The following PES1 variants were observed in gnomAD, a reference collection of about 807,000 sequenced individuals.
PES1 encodes pescadillo homolog.
PES1 carries 31 observed loss-of-function variants against 77.1 expected under a neutral mutation model. That is an observed-to-expected ratio of 0.40 (90% CI 0.30 to 0.54). The LOEUF is 0.54. Among genes scored for constraint, PES1 ranks in the 20% least tolerant of loss-of-function variants. The probability of loss-of-function intolerance (pLI) is 0.45; values close to 1 mark genes in which losing one functional copy is unlikely to be tolerated. For missense variants in PES1, 658 were observed against 771.7 expected, an observed-to-expected ratio of 0.85 and a Z score of 1.75; for synonymous variants, 282 against 303.0, an observed-to-expected ratio of 0.93 and a Z score of 0.72.
chr22:30,606,889 G>A, exon 1 of PES1: 1 of 1,058,746 alleles, frequency 9.4e-7, no homozygotes, highest in Non-Finnish European at 1.1e-6. Flanking sequence ...TTGGTAAGGA[G>A]TACCGGGTAG....
chr22:30,585,629 T>C (rs995853169), intron 4 of PES1, among the ~76,000 whole-genome samples: 1 of 151,570 alleles, frequency 6.6e-6, no homozygotes, highest in Non-Finnish European at 1.5e-5. Context: ...TTTTGTTACT[T>C]TTTCTATTTT....
chr22:30,581,692 G>A, intron 6 of PES1, 48 bp from the exon 7 acceptor site: 2 of 1,292,028 alleles, frequency 1.5e-6, no homozygotes, highest in Middle Eastern at 1.9e-4. Context: ...AGGGATGGGG[G>A]CAAAGGAGGG....
chr22:30,593,823 G>A (rs1226919097), upstream of PES1, among the ~76,000 whole-genome samples: 1 of 152,226 alleles, frequency 6.6e-6, no homozygotes, highest in Non-Finnish European at 1.5e-5. Flanking sequence ...AGGAAAGTAA[G>A]TGATCGCTGA....
In PES1 at chr22:30,579,863, G is replaced by A. The variant is rs1400461351; in HGVS notation, c.1242C>T (p.Phe414=). 1 of 1,614,014 alleles carries A rather than the reference G, an allele frequency of 6.2e-7. No homozygotes were observed. The highest frequency in any genetic ancestry group is 8.5e-7 in the Non-Finnish European group (1 of 1,180,012). ...ARLLLPVAEY[F]SGVQLPPHLS... is the part of the protein sequence containing the mutation. ...GGTGTGGGGGCAGCTGCACCCCAGA[G>A]AAGTACTCTGCCACGGGGAGAAGGA... is the stretch of plus-strand genomic sequence containing the variant. Residue 414 remains phenylalanine, a synonymous_variant, in exon 12 of 15, where the codon TTC becomes TTT. Coordinates refer to ENST00000354694, the MANE Select transcript of PES1 (RefSeq NM_014303.4).
At chr22:30,597,841 T>C (rs1017172547) in intron 2 of PES1, among the ~76,000 whole-genome samples, 2 of 151,126 alleles carry the variant, frequency 1.3e-5, no homozygotes, top group African/African-American at 2.4e-5. Context: ...GACTCAGCTG[T>C]GGTAACTCGC....
Position 30,581,510 on chromosome 22 carries a change from A to C in PES1, c.747+18T>G. ...GGCCCCTGCACGGCGAGCAGAAGGC[A>C]CTGGGCTGGGGTCCTACCTTCGGGG... On this transcript the variant is annotated intron_variant, in intron 7 of 14. Transcript: ENST00000354694. The C allele has an allele frequency of 6.2e-7, 1 of 1,609,334 alleles. No homozygotes were observed. Among genetic ancestry groups the C allele is most frequent in the African/African-American group, 1.3e-5 (1 of 74,968 alleles).
chr22:30,598,884 A>ATTTTTTTT lies in PES1; in HGVS notation c.-660-6487_-660-6486insAAAAAAAA, dbSNP rs1569031688. ...TTTCAAGTTTATGTGACTTAAGTAA[A>ATTTTTTTT]ATTTTTTTTTTTTTTTTTTTTTTTT... On this transcript the variant is annotated intron_variant, in intron 2 of 16. Transcript: ENST00000402281. Among the ~76,000 whole-genome samples, 42 of 46,256 alleles carry ATTTTTTTT rather than the reference A, an allele frequency of 9.1e-4. 1 individual carries two copies. The highest frequency in any genetic ancestry group is 2.3e-3 in the African/African-American group (31 of 13,352). 30.3% of individuals were successfully genotyped at this position (46,256 alleles called of 152,430 possible).
chr22:30,598,696 T>C (rs2087304028), intron 2 of PES1, among the ~76,000 whole-genome samples: 1 of 151,992 alleles, frequency 6.6e-6, no homozygotes, highest in South Asian at 2.1e-4. Context: ...CCCAAAGTGT[T>C]AGGGTTACAG....
At chr22:30,602,698 A>C (rs907866441) in intron 2 of PES1, among the ~76,000 whole-genome samples, 1 of 152,002 alleles carries the variant, frequency 6.6e-6, no homozygotes, top group Non-Finnish European at 1.5e-5. Flanking sequence ...ACTATGCTTT[A>C]GGTGTTGTAT....
chr22:30,592,300 G>C (rs929467875), upstream of PES1: 148 of 992,730 alleles, frequency 1.5e-4, 1 homozygote, highest in South Asian at 2.9e-3. Context: ...GTCAGACTTC[G>C]GCTGCCGCTG....
intron 2 of PES1, chr22:30,605,377 G>T (rs900574631): frequency 6.1e-5 from 47 of 770,018 alleles, no homozygotes; most frequent in Non-Finnish European, 7.4e-5. Context: ...GGTAGGCAGG[G>T]GGGTGTCTCC....
chr22:30,597,257 A>C (rs2087268436), intron 2 of PES1, among the ~76,000 whole-genome samples: 1 of 151,906 alleles, frequency 6.6e-6, no homozygotes, highest in Admixed American at 6.6e-5. Flanking sequence ...CGGGAGCATG[A>C]GAGCAGGACT....
intron 2 of PES1, among the ~76,000 whole-genome samples, chr22:30,597,211 G>A (rs1044320775): frequency 4.6e-5 from 7 of 152,070 alleles, no homozygotes; most frequent in South Asian, 2.1e-4. Context: ...GCTCCCCAGC[G>A]CCCGGTCACA....
chr22:30,578,919 C>A lies in PES1; in HGVS notation c.1601G>T (p.Arg534Leu), dbSNP rs199831167. The A allele has an allele frequency of 1.9e-6, 3 of 1,613,522 alleles. No individual in the cohort carries two copies. The highest frequency in any genetic ancestry group is 2.5e-6 in the Non-Finnish European group (3 of 1,180,000). Residue 534 changes from arginine to leucine, a missense_variant, in exon 14 of 15, where the codon CGC (arginine) becomes CTC (leucine). By Grantham distance (102) the Arg-to-Leu change is moderately radical (BLOSUM62 -2). Coordinates refer to ENST00000354694, the MANE Select transcript of PES1 (RefSeq NM_014303.4). ...LAQEEESEAKRLAIMMMKKRE... is the reference protein window; with the variant it reads ...LAQEEESEAKLLAIMMMKKRE... ...CTTCTTCATCATCATAATGGCCAGG[C>A]GCTTGGCCTCACTCTCCTCCTCCTG...
chr22:30,600,029 A>C (rs1336930906), intron 2 of PES1, among the ~76,000 whole-genome samples: 2 of 152,180 alleles, frequency 1.3e-5, no homozygotes, highest in Admixed American at 1.3e-4. Flanking sequence ...GGTCATTTTC[A>C]ATTTAAAAAA....
Position 30,579,447 on chromosome 22 carries a change from TG to T in PES1, c.1355-145del, listed in dbSNP as rs1463227422. The T allele has an allele frequency of 3.0e-6, 4 of 1,354,408 alleles. No homozygotes were observed. The African/African-American group carries it at 5.8e-5, about 20-fold the overall frequency. The allele number at this position is 1,354,408 out of a possible 1,614,324, so 83.9% of individuals were successfully genotyped here. On this transcript the variant is annotated intron_variant, in intron 12 of 14. Coordinates refer to ENST00000354694, the MANE Select transcript of PES1 (RefSeq NM_014303.4). ...GGATGTCCCAATTGTGGCCCTCTCTTGCACCTCCCCACAGCCCAGCTGCCAT... is the reference window on the plus strand; with the variant it reads ...GGATGTCCCAATTGTGGCCCTCTCTTCACCTCCCCACAGCCCAGCTGCCAT...
chr22:30,580,726 G>T, intron 9 of PES1, 25 bp from the exon 10 acceptor site: 1 of 1,611,726 alleles, frequency 6.2e-7, no homozygotes. Flanking sequence ...GCCAGGCCTC[G>T]CACCACCAGG....
intron 1 of PES1, among the ~76,000 whole-genome samples, chr22:30,591,474 GT>G (rs920026932): frequency 2.6e-5 from 4 of 152,126 alleles, no homozygotes; most frequent in Non-Finnish European, 4.4e-5. Flanking sequence ...TAATGTAACG[GT>G]GCAGTAACGG....
At chr22:30,580,474 C>A in intron 10 of PES1, 97 bp downstream of exon 10, 1 of 1,480,394 alleles carries the variant, frequency 6.8e-7, no homozygotes, top group Non-Finnish European at 9.3e-7. Flanking sequence ...GAAGTGGAAA[C>A]TGACACCATC....
Sources: gnomAD v4.1 joint callset for allele counts (sites outside exome capture counted in the v4.1 genomes callset) on GRCh38, gnomAD v4.1.1 for gene constraint, MANE v1.5 for transcripts, NCBI Gene and HGNC (gene_info 2026-07-23, HGNC 2026-07-21) for gene names.